ADGRB3: variants seen among roughly 807,000 people sequenced by gnomAD.
ADGRB3 encodes adhesion G protein-coupled receptor B3.
Under a neutral mutation model 193.4 loss-of-function variants are expected in ADGRB3, and 37 were observed. The observed-to-expected ratio is 0.19, with a 90% confidence interval of 0.15 to 0.25. The LOEUF is 0.25. Ranked by LOEUF, ADGRB3 falls within the 10% of genes least tolerant of loss-of-function variation. The pLI is 1.00. For synonymous variants in ADGRB3, 690 were observed against 644.2 expected (o/e 1.07, Z -1.08); for missense variants, 1,637 against 1,852.9 (o/e 0.88, Z 2.14).
At chr6:69,056,094 T>G (rs1201080408) in intron 15 of ADGRB3, among the ~76,000 whole-genome samples, 2 of 152,082 alleles carry the variant, frequency 1.3e-5, no homozygotes, top group Non-Finnish European at 2.9e-5. Flanking sequence ...CCTCTCAAAG[T>G]GCTGAGATTA....
chr6:69,339,584 T>C, intron 26 of ADGRB3, 80 bp downstream of exon 26: 1 of 1,459,616 alleles, frequency 6.9e-7, no homozygotes, highest in Non-Finnish European at 9.3e-7. Context: ...TTTTAATATC[T>C]TGATGTTCAG....
intron 6 of ADGRB3, among the ~76,000 whole-genome samples, chr6:68,948,714 T>C (rs1035728750): frequency 3.3e-5 from 5 of 152,112 alleles, no homozygotes; most frequent in Admixed American, 2.0e-4. Context: ...CAATCTGATA[T>C]GTTTCCATGC....
Position 68,676,531 on chromosome 6 carries a change from T to A in ADGRB3, c.757+37099T>A, listed in dbSNP as rs78677801. 3.2e-3 allele frequency among the ~76,000 whole-genome samples: 480 copies of A among 152,290 alleles called. 4 individuals are homozygous for A. Among genetic ancestry groups the A allele is most frequent in the African/African-American group, 0.011 (469 of 41,564 alleles). On this transcript the variant is annotated intron_variant, in intron 3 of 31. Transcript: ENST00000370598. The stretch of plus-strand genomic sequence containing the variant: ...CCAGAATGCTAATGCAATAACGACA[T>A]TGCAATGAAGCTAATTCATAGCCAG...
chr6:68,880,929 T>A (rs944972656), intron 3 of ADGRB3, among the ~76,000 whole-genome samples: 7 of 152,130 alleles, frequency 4.6e-5, no homozygotes, highest in Non-Finnish European at 1.5e-5. Flanking sequence ...TAATAAAAAA[T>A]TCAGCCCTAT....
intron 20 of ADGRB3, among the ~76,000 whole-genome samples, chr6:69,279,805 G>A (rs1488291870): frequency 1.3e-5 from 2 of 152,000 alleles, no homozygotes; most frequent in African/African-American, 2.4e-5. Flanking sequence ...TGGGAGGACC[G>A]AGGAAAAACC....
At chr6:68,643,792 G>A (rs183482569) in intron 3 of ADGRB3, among the ~76,000 whole-genome samples, 48 of 151,692 alleles carry the variant, frequency 3.2e-4, no homozygotes, top group African/African-American at 9.9e-4. Context: ...AATTAGCCAG[G>A]CATGGTGGTG....
chr6:68,699,634 G>A (rs938677885), intron 3 of ADGRB3, among the ~76,000 whole-genome samples: 2 of 151,820 alleles, frequency 1.3e-5, no homozygotes, highest in African/African-American at 4.8e-5. Context: ...AATCAGGCCT[G>A]AGGGCATGGG....
At chr6:69,183,814 A>G (rs1446464078) in intron 17 of ADGRB3, among the ~76,000 whole-genome samples, 3 of 152,112 alleles carry the variant, frequency 2.0e-5, no homozygotes, top group Admixed American at 1.3e-4. Flanking sequence ...TTTCATTGAC[A>G]TGAACAAACT....
intron 24 of ADGRB3, among the ~76,000 whole-genome samples, chr6:69,338,511 G>GAT (rs1339536958): frequency 3.9e-5 from 6 of 152,314 alleles, no homozygotes; most frequent in African/African-American, 1.4e-4. Context: ...GGTTTTCACA[G>GAT]ATATATATGC....
At chr6:68,980,187 A>G (rs1300924712) in intron 10 of ADGRB3, among the ~76,000 whole-genome samples, 1 of 151,550 alleles carries the variant, frequency 6.6e-6, no homozygotes, top group Non-Finnish European at 1.5e-5. Context: ...TATGATTCAA[A>G]TCTTCATTAA....
At chr6:69,237,581 A>G (rs570777611) in intron 19 of ADGRB3, among the ~76,000 whole-genome samples, 3 of 152,170 alleles carry the variant, frequency 2.0e-5, no homozygotes, top group South Asian at 2.1e-4. Context: ...GAAGGCAACA[A>G]TAGGGCTCAG....
intron 20 of ADGRB3, among the ~76,000 whole-genome samples, chr6:69,271,606 C>T (rs183313836): frequency 1.2e-3 from 189 of 152,166 alleles, no homozygotes; most frequent in African/African-American, 4.4e-3. Flanking sequence ...GAATTGTTTT[C>T]TATTTAAAGA....
At chr6:68,945,388 A>G (rs1343699660) in intron 6 of ADGRB3, among the ~76,000 whole-genome samples, 1 of 152,142 alleles carries the variant, frequency 6.6e-6, no homozygotes, top group Non-Finnish European at 1.5e-5. Flanking sequence ...AAATCTATTT[A>G]TGAGATCAGT....
At chr6:68,681,116 G>A (rs140601717) in intron 3 of ADGRB3, among the ~76,000 whole-genome samples, 24 of 152,192 alleles carry the variant, frequency 1.6e-4, no homozygotes, top group African/African-American at 5.8e-4. Flanking sequence ...GAGCAAAGAG[G>A]TGTGTCACCT....
intron 28 of ADGRB3, among the ~76,000 whole-genome samples, chr6:69,358,754 G>T (rs1769384002): frequency 6.6e-6 from 1 of 151,736 alleles, no homozygotes; most frequent in Non-Finnish European, 1.5e-5. Flanking sequence ...TCTCTCGAAA[G>T]TCCCATCACT....
At chr6:69,010,791 T>A (rs145051326) in intron 11 of ADGRB3, among the ~76,000 whole-genome samples, 2 of 127,570 alleles carry the variant, frequency 1.6e-5, no homozygotes, top group Non-Finnish European at 1.7e-5. Context: ...AAAAAAAAAA[T>A]CAAAAAACAA....
chr6:68,862,515 G>A (rs985706959), intron 3 of ADGRB3, among the ~76,000 whole-genome samples: 1 of 152,196 alleles, frequency 6.6e-6, no homozygotes. Context: ...ATTTTGTGAA[G>A]AAGGTACTAT....
chr6:69,329,816 C>T (rs1235443069), intron 22 of ADGRB3, among the ~76,000 whole-genome samples: 1 of 152,156 alleles, frequency 6.6e-6, no homozygotes, highest in African/African-American at 2.4e-5. Context: ...TCTGCATTTC[C>T]CTCTGCTGTG....
At chr6:69,000,485 A>G (rs1769542189) in intron 11 of ADGRB3, among the ~76,000 whole-genome samples, 1 of 151,904 alleles carries the variant, frequency 6.6e-6, no homozygotes, top group African/African-American at 2.4e-5. Context: ...TTTATCTAAC[A>G]TACTTATTTT....
Sources: gnomAD v4.1 joint callset for allele counts (sites outside exome capture counted in the v4.1 genomes callset) on GRCh38, gnomAD v4.1.1 for gene constraint, MANE v1.5 for transcripts, NCBI Gene and HGNC (gene_info 2026-07-23, HGNC 2026-07-21) for gene names.